KCNH5: variants seen among roughly 807,000 people sequenced by gnomAD.
The protein encoded by KCNH5 is potassium voltage-gated channel subfamily H member 5, also known as voltage-gated delayed rectifier potassium channel KCNH5.
KCNH5 carries 46 observed loss-of-function variants against 96.1 expected under a neutral mutation model. The ratio of observed to expected loss-of-function variants is 0.48; its 90% CI spans 0.38 to 0.61. The LOEUF (loss-of-function observed/expected upper bound fraction) is 0.61. KCNH5 is among the 20% of genes least tolerant of loss of function. KCNH5 has a pLI of 0.00. For synonymous variants in KCNH5, 439 were observed against 449.8 expected (o/e 0.98, Z 0.30); for missense variants, 907 against 1,225.8 (o/e 0.74, Z 3.88).
intron 10 of KCNH5, among the ~76,000 whole-genome samples, chr14:62,764,880 A>G (rs1445046377): frequency 6.6e-6 from 1 of 152,214 alleles, no homozygotes; most frequent in Non-Finnish European, 1.5e-5. Context: ...AATGATACAA[A>G]CAAATGGAAA....
At chr14:62,940,864 TG>T (rs1595693168) in intron 7 of KCNH5, among the ~76,000 whole-genome samples, 2 of 152,220 alleles carry the variant, frequency 1.3e-5, no homozygotes, top group East Asian at 3.9e-4. Context: ...TAGGAGATAA[TG>T]CTTTGTGCTA....
At chr14:62,838,966 T>C (rs1435488128) in intron 8 of KCNH5, among the ~76,000 whole-genome samples, 2 of 152,064 alleles carry the variant, frequency 1.3e-5, no homozygotes, top group East Asian at 1.9e-4. Flanking sequence ...TTTGATACTT[T>C]AGAAGAAATA....
At chr14:62,945,266 G>A (rs943440012) in intron 7 of KCNH5, among the ~76,000 whole-genome samples, 5 of 152,200 alleles carry the variant, frequency 3.3e-5, no homozygotes, top group East Asian at 1.9e-4. Context: ...GATAAGACAC[G>A]GGGTTACCAA....
At chr14:62,801,822 C>CT (rs1052453369) in intron 9 of KCNH5, among the ~76,000 whole-genome samples, 4 of 152,078 alleles carry the variant, frequency 2.6e-5, no homozygotes, top group African/African-American at 9.7e-5. Flanking sequence ...CAGCTCACTA[C>CT]TTAGGTTGAC....
intron 2 of KCNH5, among the ~76,000 whole-genome samples, chr14:63,012,397 T>C (rs551896819): frequency 3.9e-5 from 6 of 152,300 alleles, no homozygotes; most frequent in African/African-American, 1.2e-4. Flanking sequence ...TATTTTCAGA[T>C]AGGAATTTCA....
chr14:62,751,998 T>C (rs558803332), intron 10 of KCNH5, among the ~76,000 whole-genome samples: 50 of 152,304 alleles, frequency 3.3e-4, no homozygotes, highest in African/African-American at 1.1e-3. Flanking sequence ...TTCACATCTT[T>C]GCCCTGAGAA....
chr14:63,036,383 G>A (rs2139629564), intron 1 of KCNH5, among the ~76,000 whole-genome samples: 1 of 152,126 alleles, frequency 6.6e-6, no homozygotes, highest in South Asian at 2.1e-4. Context: ...GCTAAGGACT[G>A]ATAATCTAGT....
At chr14:62,896,240 C>T (rs759524087) in intron 7 of KCNH5, among the ~76,000 whole-genome samples, 27 of 152,308 alleles carry the variant, frequency 1.8e-4, no homozygotes, top group Non-Finnish European at 3.5e-4. Flanking sequence ...CCACCTACAG[C>T]TAAGCCTATG....
intron 7 of KCNH5, among the ~76,000 whole-genome samples, chr14:62,927,737 A>G (rs2140113362): frequency 6.6e-6 from 1 of 152,220 alleles, no homozygotes; most frequent in Admixed American, 6.6e-5. Context: ...AGAAAAGGGG[A>G]ATGGAAGCTA....
At chr14:63,003,081 C>T (rs1186135577) in intron 3 of KCNH5, among the ~76,000 whole-genome samples, 1 of 152,082 alleles carries the variant, frequency 6.6e-6, no homozygotes, top group East Asian at 1.9e-4. Flanking sequence ...TTTCCAAGGT[C>T]TGTTAGAAAT....
chr14:62,791,005 G>A (rs182782461), intron 9 of KCNH5, among the ~76,000 whole-genome samples: 12 of 151,586 alleles, frequency 7.9e-5, no homozygotes, highest in South Asian at 6.3e-4. Context: ...TAATTCCAGC[G>A]CTATATTGAA....
intron 10 of KCNH5, among the ~76,000 whole-genome samples, chr14:62,754,618 A>G (rs1885578290): frequency 6.6e-6 from 1 of 152,086 alleles, no homozygotes; most frequent in African/African-American, 2.4e-5. Flanking sequence ...CATGCCTATA[A>G]TCCTAGCACT....
At chr14:62,755,787 C>A (rs1885609330) in intron 10 of KCNH5, among the ~76,000 whole-genome samples, 1 of 152,098 alleles carries the variant, frequency 6.6e-6, no homozygotes, top group East Asian at 1.9e-4. Flanking sequence ...TCCCAGGGAT[C>A]TGAGGATGGT....
chr14:62,818,345 T>C (rs1022178756), intron 8 of KCNH5, among the ~76,000 whole-genome samples: 7 of 152,116 alleles, frequency 4.6e-5, no homozygotes, highest in African/African-American at 1.7e-4. Context: ...TTTGAATACA[T>C]ATAATTTTTG....
rs71120235 is a variant in KCNH5 at position 62,814,782 on chromosome 14, C to CAAAAAAAAAAAAAAA, written c.1570-12216_1570-12202dup. Among the ~76,000 whole-genome samples the CAAAAAAAAAAAAAAA allele has an allele frequency of 9.2e-4, 31 of 33,750 alleles. 4 individuals carry two copies. The highest frequency in any genetic ancestry group is 1.2e-3 in the Non-Finnish European group (25 of 21,100). The allele number at this position is 33,750 out of a possible 152,430, so 22.1% of individuals were successfully genotyped here. ...TGGGCGACAAAGCGAGACTCCATCT[C>CAAAAAAAAAAAAAAA]AAAAAAAAAAAAAAAAAAAAAAAAA... On this transcript the variant is annotated intron_variant, in intron 8 of 10. Coordinates refer to ENST00000322893, the MANE Select transcript of KCNH5 (RefSeq NM_139318.5).
chr14:62,920,970 G>A (rs1274387163), intron 7 of KCNH5, among the ~76,000 whole-genome samples: 1 of 152,090 alleles, frequency 6.6e-6, no homozygotes, highest in Non-Finnish European at 1.5e-5. Flanking sequence ...TGCATTAATT[G>A]CTCTGTGTTA....
intron 7 of KCNH5, among the ~76,000 whole-genome samples, chr14:62,920,934 C>G (rs1889370102): frequency 6.6e-6 from 1 of 152,070 alleles, no homozygotes; most frequent in Non-Finnish European, 1.5e-5. Context: ...TGCAAAAGAG[C>G]TTTTTGTTTC....
chr14:62,737,069 GT>G, intron 10 of KCNH5, among the ~76,000 whole-genome samples: 1 of 152,262 alleles, frequency 6.6e-6, no homozygotes, highest in African/African-American at 2.4e-5. Context: ...TCAAGCAACA[GT>G]TTTTTAATGA....
chr14:62,857,984 C>T (rs1009664938), intron 7 of KCNH5, among the ~76,000 whole-genome samples: 1 of 151,858 alleles, frequency 6.6e-6, no homozygotes, highest in Admixed American at 6.6e-5. Context: ...CTTTGTACAA[C>T]CAGAAACACA....
Sources: allele counts gnomAD v4.1 joint callset (sites outside exome capture counted in the v4.1 genomes callset), GRCh38; gene constraint gnomAD v4.1.1; transcripts MANE v1.5; gene names NCBI Gene and HGNC (gene_info 2026-07-23, HGNC 2026-07-21).